The following LRTM3 variants were observed in gnomAD, a reference collection of about 807,000 sequenced individuals.
LRTM3 encodes the protein leucine-rich repeat transmembrane protein 3.
At chr13:102,730,830 G>A in the LRTM3 span, 1 of 1,551,356 alleles carries the variant, frequency 6.4e-7, no homozygotes, top group Non-Finnish European at 8.7e-7. Context: ...AGAAAACGAA[G>A]GTATTTGTAT....
At chr13:102,739,476 T>C in the LRTM3 span, 1 of 1,550,606 alleles carries the variant, frequency 6.4e-7, no homozygotes. Context: ...TTACCTGCTT[T>C]TGTTCTTGAA....
At chr13:102,740,061 A>T in the LRTM3 span, 4 of 1,550,076 alleles carry the variant, frequency 2.6e-6, no homozygotes, top group Non-Finnish European at 3.5e-6. Flanking sequence ...ATAGGCATGG[A>T]TGCAGAAAGA....
the LRTM3 span, chr13:102,730,526 A>T: frequency 6.4e-7 from 1 of 1,551,674 alleles, no homozygotes; most frequent in Non-Finnish European, 8.7e-7. Flanking sequence ...TTCTGGAGTC[A>T]CATGGAATTC....
chr13:102,737,172 C>A, the LRTM3 span: 2 of 1,551,034 alleles, frequency 1.3e-6, no homozygotes, highest in Non-Finnish European at 1.7e-6. Context: ...TCCACACTTA[C>A]TGTTTTTCCT....
chr13:102,746,400 AT>A, the LRTM3 span: 8 of 1,550,942 alleles, frequency 5.2e-6, no homozygotes, highest in Non-Finnish European at 6.1e-6. Flanking sequence ...CCTTGCTTTA[AT>A]TGAGACGCAG....
chr13:102,753,547 G>A, the LRTM3 span, among the ~76,000 whole-genome samples: 1 of 149,466 alleles, frequency 6.7e-6, no homozygotes, highest in Admixed American at 6.7e-5. Context: ...TGAGGACACA[G>A]CAAGAAAGTG....
the LRTM3 span, chr13:102,738,783 G>A: frequency 1.3e-6 from 2 of 1,550,200 alleles, no homozygotes; most frequent in Non-Finnish European, 1.7e-6. Flanking sequence ...GAAGCAAAAG[G>A]TTTGCTCCAA....
the LRTM3 span, chr13:102,740,530 G>A: frequency 6.5e-7 from 1 of 1,549,436 alleles, no homozygotes; most frequent in African/African-American, 1.4e-5. Flanking sequence ...GCCATTTTTG[G>A]CCTGTTTTGA....
At chr13:102,738,782 G>C in the LRTM3 span, 1 of 1,550,322 alleles carries the variant, frequency 6.5e-7, no homozygotes, top group Non-Finnish European at 8.7e-7. Context: ...GGAAGCAAAA[G>C]GTTTGCTCCA....
chr13:102,749,099 C>T, the LRTM3 span: 5 of 1,549,578 alleles, frequency 3.2e-6, no homozygotes, highest in African/African-American at 4.1e-5. Flanking sequence ...TATATCTTTC[C>T]TTTCATGTAA....
At chr13:102,746,408 G>C in the LRTM3 span, 3 of 1,551,066 alleles carry the variant, frequency 1.9e-6, no homozygotes, top group Non-Finnish European at 2.6e-6. Flanking sequence ...TAATTGAGAC[G>C]CAGGGAGACA....
chr13:102,745,492 CA>C, the LRTM3 span: 1 of 1,550,946 alleles, frequency 6.4e-7, no homozygotes, highest in South Asian at 1.2e-5. Flanking sequence ...AGTTACAGCT[CA>C]GTTCTTTTCT....
At chr13:102,757,892 T>G in the LRTM3 span, among the ~76,000 whole-genome samples, 1 of 152,236 alleles carries the variant, frequency 6.6e-6, no homozygotes, top group Non-Finnish European at 1.5e-5. Flanking sequence ...TGTAGATATC[T>G]AATAATTGTT....
chr13:102,744,008 G>A, the LRTM3 span: 18 of 1,550,124 alleles, frequency 1.2e-5, no homozygotes, highest in African/African-American at 2.7e-5. Flanking sequence ...AATGCACCTC[G>A]CTGCTGTATT....
At chr13:102,734,554 T>A in the LRTM3 span, 1 of 1,551,332 alleles carries the variant, frequency 6.4e-7, no homozygotes, top group African/African-American at 1.4e-5. Context: ...AAGTTATATC[T>A]GTGCCTCTCA....
chr13:102,750,995 T>C, the LRTM3 span, among the ~76,000 whole-genome samples: 2 of 152,152 alleles, frequency 1.3e-5, no homozygotes, highest in Non-Finnish European at 2.9e-5. Flanking sequence ...CATCTTCTGG[T>C]GTGATGGTTA....
At chr13:102,744,448 T>C in the LRTM3 span, 7 of 1,550,030 alleles carry the variant, frequency 4.5e-6, no homozygotes, top group Admixed American at 9.8e-5. Flanking sequence ...TTGATTTCCC[T>C]GTTTTGGGAA....
chr13:102,734,167 G>A, the LRTM3 span: 1 of 1,551,412 alleles, frequency 6.4e-7, no homozygotes, highest in African/African-American at 1.4e-5. Flanking sequence ...TTGCCTCTTG[G>A]CAGTGTATCC....
At chr13:102,754,722 C>T in the LRTM3 span, among the ~76,000 whole-genome samples, 1 of 152,148 alleles carries the variant, frequency 6.6e-6, no homozygotes, top group African/African-American at 2.4e-5. Context: ...CCTTTGGCCT[C>T]TCCCCACCAA....
Sources: allele counts gnomAD v4.1 joint callset (sites outside exome capture counted in the v4.1 genomes callset), GRCh38; gene constraint gnomAD v4.1.1; transcripts MANE v1.5; gene names NCBI Gene and HGNC (gene_info 2026-07-23, HGNC 2026-07-21).